COL22A1: variants seen among roughly 807,000 people sequenced by gnomAD.
The protein encoded by COL22A1 is collagen type XXII alpha 1 chain, also known as collagen alpha-1(XXII) chain.
In COL22A1, 221 loss-of-function variants were observed where a neutral mutation model predicts 248.9. The ratio of observed to expected loss-of-function variants is 0.89; its 90% CI spans 0.80 to 0.99. COL22A1 has a LOEUF of 0.99. COL22A1 is among the 50% of genes least tolerant of loss of function. The pLI is 0.00. For missense variants in COL22A1, 2,240 were observed against 2,179.0 expected, an observed-to-expected ratio of 1.03 and a Z score of -0.56; for synonymous variants, 891 against 793.4, an observed-to-expected ratio of 1.12 and a Z score of -2.07.
Position 138,722,068 on chromosome 8 carries a change from G to A in COL22A1, c.2269C>T (p.Pro757Ser). ...GPTGPPGKDG[P>S]NGPPGPPGTK... ...CCTGGCGGACCTGGTGGTCCATTTG[G>A]CCCGTCCTTTCCAGGGGGTCCCTGG... is the stretch of plus-strand genomic sequence containing the variant. The change falls in exon 26 of 65, where the codon CCA (proline) becomes TCA (serine). Residue 757 changes from proline to serine, a missense_variant. Physicochemically the swap from Pro to Ser is moderately conservative, Grantham distance 74. Transcript: ENST00000303045. 1.3e-6 allele frequency: 2 copies of A among 1,583,764 alleles called. No homozygotes were observed. Among genetic ancestry groups the A allele is most frequent in the Non-Finnish European group, 1.7e-6 (2 of 1,163,136 alleles).
chr8:138,736,244 C>T (rs184755484), intron 23 of COL22A1, among the ~76,000 whole-genome samples: 152 of 151,796 alleles, frequency 1.0e-3, no homozygotes, highest in African/African-American at 3.5e-3. Context: ...CTTACTGATG[C>T]CAGGGGAGGC....
At chr8:138,808,852 T>C (rs1817944437) in intron 9 of COL22A1, among the ~76,000 whole-genome samples, 2 of 152,238 alleles carry the variant, frequency 1.3e-5, no homozygotes, top group African/African-American at 2.4e-5. Context: ...TCTCCTCACC[T>C]AGCGCCCACA....
intron 3 of COL22A1, among the ~76,000 whole-genome samples, chr8:138,862,004 C>T: frequency 9.6e-6 from 1 of 104,062 alleles, no homozygotes; most frequent in Non-Finnish European, 1.8e-5. Flanking sequence ...GCCTGGCCAA[C>T]ATGGTGAAAC....
intron 11 of COL22A1, among the ~76,000 whole-genome samples, chr8:138,802,232 G>A (rs914539868): frequency 1.3e-5 from 2 of 152,068 alleles, no homozygotes. Flanking sequence ...ACCCTGAACT[G>A]TGACTTCATC....
At chr8:138,694,036 G>C (rs999718455) in intron 34 of COL22A1, among the ~76,000 whole-genome samples, 10 of 152,218 alleles carry the variant, frequency 6.6e-5, no homozygotes, top group Admixed American at 5.2e-4. Flanking sequence ...GAGTCTCCCA[G>C]AGAACCAAGA....
chr8:138,846,679 C>A (rs1428725185), intron 3 of COL22A1, among the ~76,000 whole-genome samples: 1 of 152,170 alleles, frequency 6.6e-6, no homozygotes, highest in African/African-American at 2.4e-5. Context: ...ATCCATGGCT[C>A]CTCTTAGCCT....
intron 38 of COL22A1, 74 bp from the exon 39 acceptor site, chr8:138,684,543 T>C: frequency 9.7e-7 from 1 of 1,036,178 alleles, no homozygotes; most frequent in South Asian, 1.3e-5. Context: ...CGTGCCAGGC[T>C]GACTGCATCC....
chr8:138,603,416 C>A (rs376789579), intron 59 of COL22A1, among the ~76,000 whole-genome samples: 1 of 152,140 alleles, frequency 6.6e-6, no homozygotes, highest in South Asian at 2.1e-4. Flanking sequence ...ATTATAGGTG[C>A]GTGGAAGAGT....
chr8:138,842,089 G>T (rs1820925687), intron 4 of COL22A1, among the ~76,000 whole-genome samples: 1 of 152,222 alleles, frequency 6.6e-6, no homozygotes. Context: ...AGTGGCAAAT[G>T]TGGGCTTTGC....
chr8:138,724,544 G>A, intron 25 of COL22A1, 71 bp downstream of exon 25: 1 of 1,466,978 alleles, frequency 6.8e-7, no homozygotes, highest in Non-Finnish European at 9.5e-7. Flanking sequence ...CCAGCTGCAA[G>A]GGCTCAGTGC....
At chr8:138,613,269 G>A (rs1819044016) in intron 56 of COL22A1, among the ~76,000 whole-genome samples, 1 of 151,662 alleles carries the variant, frequency 6.6e-6, no homozygotes, top group Non-Finnish European at 1.5e-5. Context: ...AAAGGAAGGG[G>A]TGGGGGATTT....
In COL22A1 at chr8:138,684,454, G is replaced by A. The variant is rs1826189426; in HGVS notation, c.2983C>T (p.Pro995Ser). The A allele has an allele frequency of 1.2e-6, 2 of 1,611,150 alleles. No homozygotes were observed. Among genetic ancestry groups the A allele is most frequent in the African/African-American group, 2.7e-5 (2 of 74,834 alleles). ...KDGEPGLRGS[P>S]GLPGPLGTKA... ...GTTCCTAGGGGTCCAGGGAGTCCAG[G>A]TGATCCACGGAGTCCCTGGAGAAAT... is the stretch of plus-strand genomic sequence containing the variant. The change falls in exon 39 of 65, where the codon CCT becomes TCT. Residue 995 changes from proline to serine, a missense_variant. Physicochemically the swap from Pro to Ser is moderately conservative, Grantham distance 74 (BLOSUM62 -1). Coordinates refer to ENST00000303045, the MANE Select transcript of COL22A1 (RefSeq NM_152888.3).
intron 3 of COL22A1, among the ~76,000 whole-genome samples, chr8:138,856,584 G>A (rs892160779): frequency 6.8e-6 from 1 of 146,544 alleles, no homozygotes; most frequent in African/African-American, 2.7e-5. Context: ...GAGAGAGACA[G>A]AGGCAGTGAG....
chr8:138,889,001 G>C (rs1007861997), intron 1 of COL22A1, among the ~76,000 whole-genome samples: 2 of 152,146 alleles, frequency 1.3e-5, no homozygotes, highest in African/African-American at 2.4e-5. Flanking sequence ...CATCATCAAG[G>C]AACTATGAAA....
intron 3 of COL22A1, among the ~76,000 whole-genome samples, chr8:138,864,219 C>G (rs1822699332): frequency 6.6e-6 from 1 of 152,120 alleles, no homozygotes; most frequent in Non-Finnish European, 1.5e-5. Flanking sequence ...TTCTAAAGTA[C>G]AGCCTCATTG....
intron 49 of COL22A1, among the ~76,000 whole-genome samples, chr8:138,631,588 T>C (rs1463860004): frequency 6.6e-6 from 1 of 152,174 alleles, no homozygotes; most frequent in Non-Finnish European, 1.5e-5. Flanking sequence ...GAAGAAGACT[T>C]CTATGCAGCC....
In COL22A1 at chr8:138,760,298, G is replaced by A. The variant is rs1230804094; in HGVS notation, c.1858-11C>T. ...AGGGCCGGGCCTGCCCTGGAGGAAAGAAAGAAAAGGCAGATTATGATGGGC... is the reference window on the plus strand; with the variant it reads ...AGGGCCGGGCCTGCCCTGGAGGAAAAAAAGAAAAGGCAGATTATGATGGGC... On this transcript the variant is annotated splice_polypyrimidine_tract_variant and intron_variant, in intron 17 of 64. Coordinates refer to ENST00000303045, the MANE Select transcript of COL22A1 (RefSeq NM_152888.3). 6.3e-7 allele frequency: 1 copy of A among 1,598,750 alleles called. No individual in the cohort carries two copies. Among genetic ancestry groups the A allele is most frequent in the Non-Finnish European group, 8.5e-7 (1 of 1,172,904 alleles).
intron 16 of COL22A1, among the ~76,000 whole-genome samples, chr8:138,768,199 C>T (rs1193122768): frequency 2.0e-5 from 3 of 152,218 alleles, no homozygotes; most frequent in Admixed American, 6.5e-5. Context: ...TTTCCCAGCC[C>T]CCCATGGTTC....
chr8:138,786,833 G>A (rs1005271201), intron 12 of COL22A1, among the ~76,000 whole-genome samples: 5 of 152,164 alleles, frequency 3.3e-5, no homozygotes, highest in African/African-American at 1.2e-4. Context: ...GAACCCAGGA[G>A]ACGAAGGTTG....
Sources: gnomAD v4.1 joint callset for allele counts (sites outside exome capture counted in the v4.1 genomes callset) on GRCh38, gnomAD v4.1.1 for gene constraint, MANE v1.5 for transcripts, NCBI Gene and HGNC (gene_info 2026-07-23, HGNC 2026-07-21) for gene names.